The following CALM3 variants were observed in gnomAD, a reference collection of about 807,000 sequenced individuals.
CALM3 encodes the protein calmodulin 3.
CALM3 carries 5 observed loss-of-function variants against 20.1 expected under a neutral mutation model. The observed-to-expected ratio is 0.25, with a 90% CI of 0.13 to 0.52. CALM3 has a LOEUF of 0.52. Among genes scored for constraint, CALM3 ranks in the 20% least tolerant of loss-of-function variants. The probability of loss-of-function intolerance (pLI) is 0.96; values close to 1 mark genes in which losing one functional copy is unlikely to be tolerated. For synonymous variants in CALM3, 69 were observed against 68.1 expected (o/e 1.01, Z -0.06); for missense variants, 57 against 192.8 (o/e 0.30, Z 4.17).
upstream of CALM3, chr19:46,601,106 G>T: frequency 1.1e-6 from 1 of 906,238 alleles, no homozygotes. The surrounding 1 kb of genome is among the most constrained non-coding windows in gnomAD (Gnocchi z 4.2). Context: ...CGACGGGAGC[G>T]AGCGCGCGCG....
Position 46,608,182 on chromosome 19 carries a change from C to T in CALM3, c.35-15C>T, listed in dbSNP as rs1002766364. ...GGACCTTGTGACCTCTGACTCCTCC[C>T]CCTTCTTCCCCCAGAGTTCAAGGAG... On this transcript the variant is annotated splice_polypyrimidine_tract_variant and intron_variant, in intron 2 of 5. Transcript: ENST00000291295. The surrounding 1 kb of genome is among the most constrained non-coding windows in gnomAD (Gnocchi z 5.5). 6 of 1,611,494 alleles carry T rather than the reference C, an allele frequency of 3.7e-6. No homozygotes were observed. Among genetic ancestry groups the T allele is most frequent in the Non-Finnish European group, 4.2e-6 (5 of 1,178,860 alleles).
intron 5 of CALM3, 31 bp downstream of exon 5, chr19:46,609,012 C>A: frequency 6.2e-7 from 1 of 1,605,766 alleles, no homozygotes; most frequent in South Asian, 1.1e-5. Flanking sequence ...ATCTCTGGAA[C>A]AAGAAGAGAA....
chr19:46,607,600 C>G (rs1408555947), intron 2 of CALM3, among the ~76,000 whole-genome samples: 1 of 152,200 alleles, frequency 6.6e-6, no homozygotes, highest in Non-Finnish European at 1.5e-5. Context: ...ACGCACTGTC[C>G]GTCAGCCATG....
chr19:46,601,272 G>T, upstream of CALM3: 2 of 455,854 alleles, frequency 4.4e-6, no homozygotes, highest in Non-Finnish European at 6.1e-6. This position sits in a 1 kb window ranked among gnomAD's most constrained non-coding sequence, Gnocchi z 4.2. Flanking sequence ...CGCGCGCGGC[G>T]GCCGTTGAGG....
intron 2 of CALM3, among the ~76,000 whole-genome samples, chr19:46,606,926 C>T (rs1363361137): frequency 2.6e-5 from 4 of 152,150 alleles, no homozygotes; most frequent in Non-Finnish European, 4.4e-5. Flanking sequence ...CAGGTTCAAC[C>T]GGCTGTGTAA....
Position 46,605,387 on chromosome 19 carries a change from T to C in CALM3, c.4-440T>C, listed in dbSNP as rs1971720788. ...GACTGGCCTGCTTCAGTTTGGAGCC[T>C]TCTAGAGCTTCTTGATGAGGCCTCC... On this transcript the variant is annotated intron_variant, in intron 1 of 5. Transcript: ENST00000291295. This position sits in a 1 kb window ranked among gnomAD's most constrained non-coding sequence, Gnocchi z 4.1. 14 of 175,362 alleles carry C rather than the reference T, an allele frequency of 8.0e-5. 1 individual carries two copies. In the South Asian group the frequency reaches 1.7e-3, roughly 21 times the overall value. The allele number at this position is 175,362 out of a possible 1,614,324, so 10.9% of individuals were successfully genotyped here.
rs1971779789 is a variant in CALM3, at chr19:46,608,041, A to G, written c.35-156A>G. The G allele has an allele frequency of 1.0e-5, 7 of 667,096 alleles. No homozygotes were observed. The highest frequency in any genetic ancestry group is 1.8e-5 in the Non-Finnish European group (7 of 384,020). The allele number at this position is 667,096 out of a possible 1,614,324, so 41.3% of individuals were successfully genotyped here. A position where few individuals can be genotyped will look rare whatever the true frequency, so the allele number is the denominator to read the frequency against. On this transcript the variant is annotated intron_variant, in intron 2 of 5. Transcript: ENST00000291295. The surrounding 1 kb of genome is among the most constrained non-coding windows in gnomAD (Gnocchi z 5.5). The stretch of plus-strand genomic sequence containing the variant: ...AAGGGCTTTGCCCTGAGCACTGAGG[A>G]GAGAGAGCTGGTTGCGTGGGACTTG...
At chr19:46,604,583 G>A (rs1386427763) in intron 1 of CALM3, among the ~76,000 whole-genome samples, 1 of 140,472 alleles carries the variant, frequency 7.1e-6, no homozygotes, top group Non-Finnish European at 1.5e-5. Context: ...TTAGATCAGT[G>A]ATTGTTAATA....
At position 46,608,652 on chromosome 19, in the gene CALM3, C is replaced by T. The variant is rs1971797088; in HGVS notation, c.285+64C>T. The T allele has an allele frequency of 2.1e-6, 3 of 1,427,762 alleles. No homozygotes were observed. In the African/African-American group the frequency reaches 4.2e-5, roughly 20 times the overall value. The allele number at this position is 1,427,762 out of a possible 1,614,324, so 88.4% of individuals were successfully genotyped here. On this transcript the variant is annotated intron_variant, in intron 4 of 5. Transcript: ENST00000291295. The surrounding 1 kb of genome is among the most constrained non-coding windows in gnomAD (Gnocchi z 5.5). ...CCAGCCTTCAGGCAGACAGGCGGAACTGGAGCCACGGAGCTACCACTTCCA... is the reference window on the plus strand; with the variant it reads ...CCAGCCTTCAGGCAGACAGGCGGAATTGGAGCCACGGAGCTACCACTTCCA...
At chr19:46,603,616 G>A (rs1971680185) in intron 1 of CALM3, among the ~76,000 whole-genome samples, 1 of 152,178 alleles carries the variant, frequency 6.6e-6, no homozygotes, top group Non-Finnish European at 1.5e-5. Flanking sequence ...AGTTATTTTG[G>A]AAACAGTTTT....
At position 46,605,902 on chromosome 19, in the gene CALM3, A is replaced by T; in HGVS notation, c.34+45A>T. 6.3e-7 allele frequency: 1 copy of T among 1,588,432 alleles called. No homozygotes were observed. Among genetic ancestry groups the T allele is most frequent in the Non-Finnish European group, 8.6e-7 (1 of 1,156,898 alleles). On this transcript the variant is annotated intron_variant, in intron 2 of 5. Transcript: ENST00000291295. The surrounding 1 kb of genome is among the most constrained non-coding windows in gnomAD (Gnocchi z 4.1). ...CATCTTAGCTCAGGAAAGCCTCCAC[A>T]TCCCCAGCCAAATCTTAGCCACTGA...
rs1031452470 is a variant in CALM3 at position 46,602,122 on chromosome 19, G to T, written c.3+685G>T. ...TGCAAGCTTATGGGAGGAAGAGCCT[G>T]GGGTGGGTGGCAGCGGAGATTAGAA... On this transcript the variant is annotated intron_variant, in intron 1 of 5. Coordinates refer to ENST00000291295, the MANE Select transcript of CALM3 (RefSeq NM_005184.4). 67 of 1,321,298 alleles carry T rather than the reference G, an allele frequency of 5.1e-5. 1 individual carries two copies. In the South Asian group the frequency reaches 8.0e-4, roughly 16 times the overall value. 81.8% of individuals were successfully genotyped at this position (1,321,298 alleles called of 1,614,324 possible).
chr19:46,604,868 TGG>T (rs1456181740), intron 1 of CALM3, among the ~76,000 whole-genome samples: 1 of 152,102 alleles, frequency 6.6e-6, no homozygotes, highest in Non-Finnish European at 1.5e-5. Flanking sequence ...AGCTAAATGT[TGG>T]GATTCAGCCT....
At chr19:46,606,793 G>A (rs563108656) in intron 2 of CALM3, among the ~76,000 whole-genome samples, 1 of 152,130 alleles carries the variant, frequency 6.6e-6, no homozygotes, top group Non-Finnish European at 1.5e-5. Context: ...TGAGCTGCCC[G>A]AGGACAGAGA....
intron 1 of CALM3, among the ~76,000 whole-genome samples, chr19:46,603,903 T>C (rs1285367179): frequency 6.6e-6 from 1 of 152,138 alleles, no homozygotes; most frequent in Non-Finnish European, 1.5e-5. Flanking sequence ...TGGCAAACGG[T>C]GGCCTTCAGA....
intron 1 of CALM3, among the ~76,000 whole-genome samples, chr19:46,604,028 T>C (rs956527827): frequency 4.6e-5 from 7 of 152,182 alleles, no homozygotes; most frequent in Non-Finnish European, 8.8e-5. Context: ...AACAGTGGGC[T>C]GGGAAGGCCC....
In CALM3 at chr19:46,610,153, A is replaced by G. The variant is rs527600068; in HGVS notation, c.*1000A>G. 6.5e-6 allele frequency: 1 copy of G among 152,704 alleles called. No homozygotes were observed. The highest frequency in any genetic ancestry group is 6.5e-5 in the Admixed American group (1 of 15,284). 9.5% of individuals were successfully genotyped at this position (152,704 alleles called of 1,614,324 possible). On this transcript the variant is annotated 3_prime_UTR_variant, in exon 6 of 6. Coordinates refer to ENST00000291295, the MANE Select transcript of CALM3 (RefSeq NM_005184.4). ...TGGGCCCCACCACGCTCTCAAGAGA[A>G]CGCACCTGCAATAAAACAGTCTTGT...
upstream of CALM3, chr19:46,601,107 A>AGCGC: frequency 1.1e-6 from 1 of 893,232 alleles, no homozygotes; most frequent in Non-Finnish European, 1.7e-6. The surrounding 1 kb of genome is among the most constrained non-coding windows in gnomAD (Gnocchi z 4.2). Context: ...GACGGGAGCG[A>AGCGC]GCGCGCGCGC....
chr19:46,602,022 G>C, intron 1 of CALM3: 1 of 956,082 alleles, frequency 1.0e-6, no homozygotes. Context: ...CTACAGATGA[G>C]ACTCCCGAGG....
Sources: gnomAD v4.1 joint callset for allele counts (sites outside exome capture counted in the v4.1 genomes callset) on GRCh38, gnomAD v4.1.1 for gene constraint, Gnocchi (gnomAD v3.1) non-coding constraint, MANE v1.5 for transcripts, NCBI Gene and HGNC (gene_info 2026-07-23, HGNC 2026-07-21) for gene names.